PPA2: variants seen among roughly 807,000 people sequenced by gnomAD.
PPA2 encodes the protein inorganic pyrophosphatase 2, mitochondrial.
PPA2 carries 48 observed loss-of-function variants against 49.5 expected under a neutral mutation model. The observed-to-expected ratio is 0.97, with a 90% CI of 0.77 to 1.23. The LOEUF is 1.23. PPA2 is among the 50% of genes most tolerant of loss of function. PPA2 has a pLI of 0.00. For missense variants in PPA2, 429 were observed against 410.1 expected, an observed-to-expected ratio of 1.05 and a Z score of -0.40; for synonymous variants, 131 against 139.9, an observed-to-expected ratio of 0.94 and a Z score of 0.45.
At chr4:105,439,142 T>G (rs1270181303) in intron 5 of PPA2, among the ~76,000 whole-genome samples, 1 of 152,178 alleles carries the variant, frequency 6.6e-6, no homozygotes, top group Non-Finnish European at 1.5e-5. Flanking sequence ...ACTTTCTAGC[T>G]AATATATACA....
At chr4:105,405,768 G>C (rs1187499784) in intron 7 of PPA2, 1 of 610,008 alleles carries the variant, frequency 1.6e-6, no homozygotes, top group Non-Finnish European at 2.6e-6. Flanking sequence ...TCAAAAACAA[G>C]ATAAGTAACT....
intron 11 of PPA2, 24 bp from the exon 12 acceptor site, chr4:105,369,777 G>T (rs766630229): frequency 4.6e-5 from 72 of 1,566,276 alleles, no homozygotes; most frequent in Non-Finnish European, 5.6e-5. Context: ...GGGGAAAGAG[G>T]GTATTAGGGA....
intron 6 of PPA2, among the ~76,000 whole-genome samples, chr4:105,432,054 T>A (rs2110281975): frequency 6.6e-6 from 1 of 152,348 alleles, no homozygotes; most frequent in East Asian, 1.9e-4. Context: ...CCACTAATTT[T>A]AATGTACACT....
intron 10 of PPA2, 134 bp downstream of exon 10, chr4:105,386,433 T>C (rs1733685457): frequency 1.5e-6 from 1 of 648,000 alleles, no homozygotes; most frequent in Non-Finnish European, 2.4e-6. Context: ...CAGAAATAGA[T>C]TTCAAGGTGA....
intron 5 of PPA2, among the ~76,000 whole-genome samples, chr4:105,438,450 A>T (rs550380631): frequency 6.6e-6 from 1 of 152,300 alleles, no homozygotes; most frequent in Admixed American, 6.5e-5. Flanking sequence ...CAGCACATGG[A>T]TCTAAATTAC....
chr4:105,459,935 A>G (rs1038454594), intron 1 of PPA2, among the ~76,000 whole-genome samples: 2 of 152,248 alleles, frequency 1.3e-5, no homozygotes, highest in African/African-American at 2.4e-5. Context: ...GGGGGCCACA[A>G]AAAATTTTTT....
Position 105,399,088 on chromosome 4 carries a change from T to TG in PPA2, c.731dup (p.Asp245ArgfsTer11), listed in dbSNP as rs1346056707. On this transcript the variant is annotated frameshift_variant, in exon 8 of 12. Coordinates refer to ENST00000341695, the MANE Select transcript of PPA2 (RefSeq NM_176869.3). LOFTEE classifies it high-confidence loss of function. ...CAAACTGGTTTTCTGGTTTTCCATC[T>TG]GGTACCTTATATAATCTAAACCAAT... 1 of 1,611,010 alleles carries TG rather than the reference T, an allele frequency of 6.2e-7. No individual in the cohort carries two copies. The highest frequency in any genetic ancestry group is 1.1e-5 in the South Asian group (1 of 90,012).
intron 9 of PPA2, among the ~76,000 whole-genome samples, chr4:105,389,790 T>A (rs1001232362): frequency 1.3e-5 from 2 of 152,162 alleles, no homozygotes; most frequent in African/African-American, 4.8e-5. Context: ...CTTTTCATTC[T>A]AAATCAAAGT....
intron 7 of PPA2, among the ~76,000 whole-genome samples, chr4:105,400,837 A>G (rs188882910): frequency 1.3e-3 from 199 of 152,294 alleles, no homozygotes; most frequent in African/African-American, 4.7e-3. Flanking sequence ...AGTCATAAAG[A>G]GGACCCAATA....
chr4:105,473,707 G>A, intron 1 of PPA2, 187 bp downstream of exon 1: 4 of 932,978 alleles, frequency 4.3e-6, no homozygotes, highest in Non-Finnish European at 5.2e-6. Context: ...CCGCCTCCTC[G>A]CTGGCAGTTC....
intron 3 of PPA2, among the ~76,000 whole-genome samples, chr4:105,450,728 C>T (rs1371331814): frequency 6.6e-6 from 1 of 151,754 alleles, no homozygotes; most frequent in Non-Finnish European, 1.5e-5. Context: ...CTGCCTCGGC[C>T]TCCCGAGTAG....
intron 9 of PPA2, among the ~76,000 whole-genome samples, chr4:105,391,187 G>C (rs992338112): frequency 7.9e-5 from 12 of 151,906 alleles, no homozygotes; most frequent in African/African-American, 2.7e-4. Context: ...GCCTGCTGGT[G>C]GGGGGAGGGG....
intron 1 of PPA2, among the ~76,000 whole-genome samples, chr4:105,470,392 G>A (rs1376939858): frequency 1.3e-5 from 2 of 152,206 alleles, no homozygotes; most frequent in African/African-American, 4.8e-5. Context: ...AGACAGAGGT[G>A]AGAGGATCGC....
intron 7 of PPA2, among the ~76,000 whole-genome samples, chr4:105,418,702 C>T (rs1292792866): frequency 2.0e-5 from 3 of 152,188 alleles, no homozygotes; most frequent in Non-Finnish European, 4.4e-5. Flanking sequence ...TATTGCAGCA[C>T]AACAGACAAT....
At chr4:105,449,811 A>G (rs954630135) in intron 3 of PPA2, among the ~76,000 whole-genome samples, 4 of 152,248 alleles carry the variant, frequency 2.6e-5, no homozygotes. Flanking sequence ...CCCACTCACC[A>G]CATGAGGTTG....
intron 6 of PPA2, among the ~76,000 whole-genome samples, chr4:105,430,907 A>G (rs1723770538): frequency 6.6e-6 from 1 of 151,876 alleles, no homozygotes; most frequent in African/African-American, 2.4e-5. Flanking sequence ...CAGTGTAGAT[A>G]TTATCCCTGT....
chr4:105,417,010 G>A (rs2726465), intron 7 of PPA2, among the ~76,000 whole-genome samples: 4 of 152,140 alleles, frequency 2.6e-5, no homozygotes, highest in South Asian at 2.1e-4. Context: ...TCAAAATATA[G>A]ACATTCATTA....
chr4:105,406,512 GA>G (rs909347433), intron 7 of PPA2, among the ~76,000 whole-genome samples: 1 of 150,976 alleles, frequency 6.6e-6, no homozygotes, highest in Non-Finnish European at 1.5e-5. Context: ...GCTTATCAAA[GA>G]AAAAAAAATT....
intron 10 of PPA2, among the ~76,000 whole-genome samples, chr4:105,378,036 T>C (rs896350915): frequency 6.6e-6 from 1 of 152,278 alleles, no homozygotes; most frequent in Non-Finnish European, 1.5e-5. Flanking sequence ...CACTTCCTTT[T>C]GTCTTGGGTA....
Sources: gnomAD v4.1 joint callset for allele counts (sites outside exome capture counted in the v4.1 genomes callset) on GRCh38, gnomAD v4.1.1 for gene constraint, MANE v1.5 for transcripts, NCBI Gene and HGNC (gene_info 2026-07-23, HGNC 2026-07-21) for gene names.